Variants in PATJ observed in about 807,000 individuals in gnomAD.
The protein encoded by PATJ is inaD-like protein.
A neutral mutation model predicts 224.9 loss-of-function variants in PATJ; 190 were observed. That is an observed-to-expected ratio of 0.84 (90% CI 0.75 to 0.95). The LOEUF (loss-of-function observed/expected upper bound fraction) is 0.95. PATJ is among the 40% of genes least tolerant of loss of function. The pLI is 0.00. For missense variants in PATJ, 2,121 were observed against 2,270.3 expected, an observed-to-expected ratio of 0.93 and a Z score of 1.34; for synonymous variants, 769 against 820.3, an observed-to-expected ratio of 0.94 and a Z score of 1.07.
At chr1:61,813,395 A>C (rs1418121789) in intron 14 of PATJ, among the ~76,000 whole-genome samples, 1 of 144,016 alleles carries the variant, frequency 6.9e-6, no homozygotes, top group Admixed American at 7.0e-5. Flanking sequence ...ACACACACAC[A>C]CACATACACA....
chr1:62,116,880 A>T lies in PATJ; in HGVS notation c.4803+201A>T, dbSNP rs75583023. On this transcript the variant is annotated intron_variant, in intron 36 of 43. Coordinates refer to ENST00000642238, the MANE Select transcript of PATJ (RefSeq NM_001350145.3). Reference sequence around the variant, plus strand: ...ATATTGACTAACAGAATGAAAGGGAACCTGCTTTGGGATTTCACAAGCAAG... The same window carrying T: ...ATATTGACTAACAGAATGAAAGGGATCCTGCTTTGGGATTTCACAAGCAAG... 9.8e-5 allele frequency among the ~76,000 whole-genome samples: 15 copies of T among 152,318 alleles called. No homozygotes were observed. In the East Asian group the frequency reaches 2.9e-3, roughly 29 times the overall value.
chr1:61,860,092 A>G (rs1456360022), intron 18 of PATJ, among the ~76,000 whole-genome samples: 1 of 152,194 alleles, frequency 6.6e-6, no homozygotes, highest in South Asian at 2.1e-4. Flanking sequence ...TAGTATGTAT[A>G]TATCTATACA....
intron 28 of PATJ, among the ~76,000 whole-genome samples, 177 bp from the exon 29 acceptor site, chr1:62,017,679 C>G (rs954744646): frequency 7.1e-6 from 1 of 141,796 alleles, no homozygotes; most frequent in African/African-American, 2.6e-5. Flanking sequence ...TTGCAGTGAG[C>G]CAAGATTGCA....
chr1:61,924,292 C>T (rs1412847193), intron 26 of PATJ, among the ~76,000 whole-genome samples: 2 of 152,028 alleles, frequency 1.3e-5, no homozygotes, highest in Non-Finnish European at 2.9e-5. Flanking sequence ...TGCTTGAACC[C>T]GGGAGACAGA....
rs755714182 is a variant in PATJ at position 61,914,649 on chromosome 1, A to G, written c.3555A>G (p.Gln1185=). The G allele has an allele frequency of 3.2e-6, 5 of 1,569,894 alleles. No homozygotes were observed. The South Asian group carries it at 5.6e-5, about 17-fold the overall frequency. Residue 1185 remains glutamine (Q), a synonymous_variant, in exon 26 of 44, where the codon CAA becomes CAG. Transcript: ENST00000642238. ...KITGNQNQDT[Q]EKKEKRQGTA... is the part of the protein sequence containing the mutation. Reference sequence around the variant, plus strand: ...CCGGTAACCAGAACCAGGACACCCAAGAAAAGAAAGAAAAGGTAACTTGAA... The same window carrying G: ...CCGGTAACCAGAACCAGGACACCCAGGAAAAGAAAGAAAAGGTAACTTGAA...
At chr1:61,879,377 A>G (rs966120041) in intron 21 of PATJ, among the ~76,000 whole-genome samples, 3 of 152,164 alleles carry the variant, frequency 2.0e-5, no homozygotes, top group Non-Finnish European at 4.4e-5. Context: ...GGATGACAGA[A>G]CTAAGATCCA....
intron 33 of PATJ, among the ~76,000 whole-genome samples, chr1:62,106,175 T>A (rs1358232834): frequency 9.7e-6 from 1 of 102,974 alleles, no homozygotes; most frequent in East Asian, 2.1e-4. Context: ...TATATATATA[T>A]ATATATATAT....
rs1292634985 is a variant in PATJ, at chr1:62,111,950, G to A, written c.4462-2103G>A. On this transcript the variant is annotated intron_variant, in intron 34 of 43. Coordinates refer to ENST00000642238, the MANE Select transcript of PATJ (RefSeq NM_001350145.3). ...GCTGGGATTACAGGCATGAGCCACCGCGCCCAGCCCAAAACCCATGTTCTT... is the reference window on the plus strand; with the variant it reads ...GCTGGGATTACAGGCATGAGCCACCACGCCCAGCCCAAAACCCATGTTCTT... Among the ~76,000 whole-genome samples, 6 of 151,404 alleles carry A rather than the reference G, an allele frequency of 4.0e-5. No homozygotes were observed. In the East Asian group the frequency reaches 5.9e-4, roughly 15 times the overall value.
At chr1:61,960,123 A>T (rs1435338686) in intron 27 of PATJ, among the ~76,000 whole-genome samples, 1 of 152,190 alleles carries the variant, frequency 6.6e-6, no homozygotes, top group East Asian at 1.9e-4. Flanking sequence ...AGTTTATATA[A>T]ACCATTTATT....
chr1:62,007,631 C>T (rs1043702076), intron 28 of PATJ, among the ~76,000 whole-genome samples: 5 of 152,338 alleles, frequency 3.3e-5, no homozygotes, highest in Admixed American at 1.3e-4. Flanking sequence ...ATAATTGTCC[C>T]AGTCAGCTTG....
At chr1:62,100,249 T>A (rs1230166849) in intron 33 of PATJ, 1 of 617,792 alleles carries the variant, frequency 1.6e-6, no homozygotes, top group South Asian at 2.0e-5. Flanking sequence ...CTTACTCCAT[T>A]TTCTGCTGCT....
intron 27 of PATJ, chr1:61,952,473 A>G (rs1679861851): frequency 1.4e-6 from 1 of 716,238 alleles, no homozygotes; most frequent in African/African-American, 1.7e-5. Flanking sequence ...ATGCTGTTTT[A>G]GTGTTGGTGC....
intron 28 of PATJ, among the ~76,000 whole-genome samples, chr1:61,999,354 A>G (rs1645606785): frequency 6.6e-6 from 1 of 152,116 alleles, no homozygotes; most frequent in Admixed American, 6.6e-5. Context: ...AAGTTTTCTT[A>G]TATTAGCCTT....
chr1:61,939,481 A>T (rs1258152015), intron 27 of PATJ, among the ~76,000 whole-genome samples: 1 of 151,906 alleles, frequency 6.6e-6, no homozygotes, highest in Non-Finnish European at 1.5e-5. Flanking sequence ...GTTCAGCCTC[A>T]CTAATAATAA....
At chr1:61,759,410 CTTTTTT>C (rs56222334) in intron 1 of PATJ, among the ~76,000 whole-genome samples, 5 of 130,106 alleles carry the variant, frequency 3.8e-5, no homozygotes, top group Non-Finnish European at 6.5e-5. Context: ...ATTTTAATTG[CTTTTTT>C]TTTTTTTTTT....
chr1:62,038,936 A>G (rs1036062879), intron 30 of PATJ: 10 of 1,219,862 alleles, frequency 8.2e-6, no homozygotes, highest in Middle Eastern at 2.5e-4. Context: ...CTGGGTTGCC[A>G]TGGGACCCTG....
At chr1:62,104,664 A>G (rs182996469) in intron 33 of PATJ, among the ~76,000 whole-genome samples, 22 of 152,178 alleles carry the variant, frequency 1.4e-4, no homozygotes, top group African/African-American at 5.3e-4. Flanking sequence ...TTCACTGATA[A>G]CTTTATTTTT....
At chr1:61,747,068 G>A (rs1645059504) in intron 1 of PATJ, among the ~76,000 whole-genome samples, 1 of 152,164 alleles carries the variant, frequency 6.6e-6, no homozygotes, top group South Asian at 2.1e-4. Context: ...ATATTAGGTT[G>A]GGGAAGCCAA....
intron 33 of PATJ, among the ~76,000 whole-genome samples, chr1:62,104,489 T>C (rs76913310): frequency 0.019 from 2,935 of 152,192 alleles, 103 homozygotes; most frequent in African/African-American, 0.067. Context: ...ATTAATGTAA[T>C]TATCCAGAAC....
Sources: gnomAD v4.1 joint callset for allele counts (sites outside exome capture counted in the v4.1 genomes callset) on GRCh38, gnomAD v4.1.1 for gene constraint, MANE v1.5 for transcripts, NCBI Gene and HGNC (gene_info 2026-07-23, HGNC 2026-07-21) for gene names.